Variants in PICALM observed in about 807,000 individuals in gnomAD.
The protein encoded by PICALM is phosphatidylinositol-binding clathrin assembly protein.
In PICALM, 40 loss-of-function variants were observed where a neutral mutation model predicts 80.5. The ratio of observed to expected loss-of-function variants is 0.50; its 90% CI spans 0.39 to 0.65. The LOEUF is 0.65. Ranked by LOEUF, PICALM falls within the 30% of genes least tolerant of loss-of-function variation. The pLI is 0.00. For missense variants in PICALM, 676 were observed against 778.9 expected (o/e 0.87, Z 1.57); for synonymous variants, 288 against 260.3 (o/e 1.11, Z -1.02).
chr11:86,023,337 GAGTGCCTATTA>G (rs1343047984), intron 3 of PICALM: 5 of 341,330 alleles, frequency 1.5e-5, no homozygotes, highest in Non-Finnish European at 2.1e-5. Context: ...AATATTTATT[GAGTGCCTATTA>G]AGTACCAGTG....
At chr11:86,005,376 G>A (rs1681415370) in intron 8 of PICALM, among the ~76,000 whole-genome samples, 1 of 152,048 alleles carries the variant, frequency 6.6e-6, no homozygotes, top group African/African-American at 2.4e-5. Flanking sequence ...AATATATCTG[G>A]CTATTTTTCA....
intron 13 of PICALM, among the ~76,000 whole-genome samples, chr11:85,988,164 C>T (rs2094637383): frequency 6.6e-6 from 1 of 152,152 alleles, no homozygotes; most frequent in African/African-American, 2.4e-5. Flanking sequence ...TTTATTGCTA[C>T]CACACTGGCC....
At chr11:86,069,181 T>G (rs899121306), upstream of PICALM, 6 of 194,462 alleles carry the variant, frequency 3.1e-5, no homozygotes, top group South Asian at 1.5e-4. Flanking sequence ...CCCCTTCCCT[T>G]TCCTCTTCGA....
chr11:86,038,505 G>A (rs969585742), intron 1 of PICALM, among the ~76,000 whole-genome samples: 10 of 152,000 alleles, frequency 6.6e-5, no homozygotes, highest in East Asian at 3.9e-4. Flanking sequence ...AGTCCTGGCC[G>A]GGCACGGTGG....
chr11:86,030,123 A>C (rs116375405), intron 2 of PICALM, among the ~76,000 whole-genome samples: 751 of 152,360 alleles, frequency 4.9e-3, no homozygotes, highest in Non-Finnish European at 5.5e-3. Flanking sequence ...TGATAAAAAA[A>C]TACAACATGG....
chr11:86,022,872 C>T (rs1190301763), intron 3 of PICALM, among the ~76,000 whole-genome samples: 1 of 152,192 alleles, frequency 6.6e-6, no homozygotes, highest in Middle Eastern at 3.4e-3. Flanking sequence ...AATTTTTATA[C>T]TCCTAAAATC....
intron 1 of PICALM, among the ~76,000 whole-genome samples, chr11:86,061,526 T>G (rs1319224832): frequency 6.6e-6 from 1 of 151,892 alleles, no homozygotes; most frequent in Non-Finnish European, 1.5e-5. Context: ...AAAAGTCACA[T>G]AATCAGGAAA....
chr11:85,988,613 G>A (rs940406469), intron 13 of PICALM, among the ~76,000 whole-genome samples: 1 of 151,964 alleles, frequency 6.6e-6, no homozygotes, highest in African/African-American at 2.4e-5. Flanking sequence ...GAGAAAAAGA[G>A]GGGAAGGGGA....
At chr11:86,049,017 G>A (rs922130044) in intron 1 of PICALM, among the ~76,000 whole-genome samples, 2 of 152,166 alleles carry the variant, frequency 1.3e-5, no homozygotes, top group Admixed American at 6.5e-5. Context: ...AGAGGGCCGG[G>A]TGCGGTGGCT....
intron 5 of PICALM, among the ~76,000 whole-genome samples, chr11:86,014,449 A>G (rs898855272): frequency 2.0e-5 from 3 of 152,358 alleles, no homozygotes; most frequent in Admixed American, 1.3e-4. Flanking sequence ...CAATAGCTAC[A>G]TAATAAGCTA....
At chr11:86,022,313 T>C in intron 4 of PICALM, 54 bp downstream of exon 4, 4 of 981,084 alleles carry the variant, frequency 4.1e-6, no homozygotes, top group Non-Finnish European at 6.3e-6. Context: ...AACTCCTATG[T>C]TTTACATTTT....
At chr11:85,975,266 A>G (rs1270421658) in intron 18 of PICALM, among the ~76,000 whole-genome samples, 2 of 151,458 alleles carry the variant, frequency 1.3e-5, no homozygotes, top group African/African-American at 2.4e-5. Context: ...TCTCTGAATA[A>G]GCCTGCTCTA....
At chr11:86,020,538 A>G (rs2095547929) in intron 4 of PICALM, among the ~76,000 whole-genome samples, 2 of 152,202 alleles carry the variant, frequency 1.3e-5, no homozygotes, top group Non-Finnish European at 2.9e-5. Context: ...AGATATACAT[A>G]CAGATCAACA....
At chr11:86,002,944 G>A (rs534619598) in intron 9 of PICALM, among the ~76,000 whole-genome samples, 1 of 152,102 alleles carries the variant, frequency 6.6e-6, no homozygotes, top group Admixed American at 6.6e-5. Context: ...CCAGGAGGTG[G>A]AAGTTGCAAG....
At chr11:85,970,058 A>G (rs1314853834) in intron 19 of PICALM, among the ~76,000 whole-genome samples, 1 of 152,240 alleles carries the variant, frequency 6.6e-6, no homozygotes, top group Non-Finnish European at 1.5e-5. Flanking sequence ...TGATTCATTT[A>G]CTTAACAAAT....
chr11:86,049,314 CT>C (rs1164182069), intron 1 of PICALM, among the ~76,000 whole-genome samples: 3 of 152,148 alleles, frequency 2.0e-5, no homozygotes, highest in Non-Finnish European at 4.4e-5. Flanking sequence ...TAAATCAGAT[CT>C]TTACTCCGGT....
chr11:86,058,009 A>G (rs540852454), intron 1 of PICALM, among the ~76,000 whole-genome samples: 2 of 152,222 alleles, frequency 1.3e-5, no homozygotes, highest in Non-Finnish European at 2.9e-5. Flanking sequence ...AATGTTTCAA[A>G]TTATTCAATA....
rs555748813 is a variant in PICALM, at chr11:86,007,396, A to T, written c.807+146T>A. The T allele has an allele frequency of 1.3e-4, 70 of 541,508 alleles. No individual in the cohort carries two copies. In the African/African-American group the frequency reaches 1.3e-3, roughly 10 times the overall value. 33.5% of individuals were successfully genotyped at this position (541,508 alleles called of 1,614,324 possible). ...TTTTACGTGGTCATAGTGTTAGAAC[A>T]ATCTTCAGGAATACATCAAAATGTT... is the stretch of plus-strand genomic sequence containing the variant. On this transcript the variant is annotated intron_variant, in intron 8 of 19. Transcript: ENST00000393346.
intron 9 of PICALM, 90 bp from the exon 10 acceptor site, chr11:86,001,248 G>A: frequency 8.5e-7 from 1 of 1,171,412 alleles, no homozygotes; most frequent in Non-Finnish European, 1.2e-6. Context: ...CCTTGCCATG[G>A]ATAGGCACTA....
Sources: allele counts gnomAD v4.1 joint callset (sites outside exome capture counted in the v4.1 genomes callset), GRCh38; gene constraint gnomAD v4.1.1; transcripts MANE v1.5; gene names NCBI Gene and HGNC (gene_info 2026-07-23, HGNC 2026-07-21).